Variants in ATRNL1 observed in about 807,000 individuals in gnomAD.
ATRNL1 encodes the protein attractin like 1.
Under a neutral mutation model 182.7 loss-of-function variants are expected in ATRNL1, and 95 were observed. That is an observed-to-expected ratio of 0.52 (90% CI 0.44 to 0.62). The LOEUF is 0.62. ATRNL1 is among the 20% of genes least tolerant of loss of function. The probability of loss-of-function intolerance (pLI) is 0.00; values close to 1 mark genes in which losing one functional copy is unlikely to be tolerated. For missense variants in ATRNL1, 1,471 were observed against 1,679.5 expected (o/e 0.88, Z 2.17); for synonymous variants, 576 against 568.3 (o/e 1.01, Z -0.19).
At chr10:115,508,479 C>A (rs967623351) in intron 24 of ATRNL1, among the ~76,000 whole-genome samples, 1 of 151,958 alleles carries the variant, frequency 6.6e-6, no homozygotes, top group Non-Finnish European at 1.5e-5. Context: ...GAAATCTAGG[C>A]CTCTTGTCCG....
intron 24 of ATRNL1, among the ~76,000 whole-genome samples, chr10:115,490,813 G>GT (rs1849264012): frequency 6.6e-6 from 1 of 152,044 alleles, no homozygotes; most frequent in Non-Finnish European, 1.5e-5. Flanking sequence ...GAGGTGTTCT[G>GT]TTTTTTGGAA....
At chr10:115,592,017 G>C (rs781967514) in intron 26 of ATRNL1, among the ~76,000 whole-genome samples, 3 of 152,178 alleles carry the variant, frequency 2.0e-5, no homozygotes, top group Non-Finnish European at 2.9e-5. Context: ...CATGCCCTGT[G>C]CAGCAGCATG....
At chr10:115,668,762 T>C (rs1158256683) in intron 26 of ATRNL1, among the ~76,000 whole-genome samples, 1 of 152,278 alleles carries the variant, frequency 6.6e-6, no homozygotes, top group Admixed American at 6.5e-5. Context: ...TTATATCATT[T>C]ATGTTCAATA....
chr10:115,182,668 A>G (rs1326867000), intron 8 of ATRNL1, among the ~76,000 whole-genome samples: 1 of 151,604 alleles, frequency 6.6e-6, no homozygotes, highest in South Asian at 2.1e-4. Flanking sequence ...GAAAGATTTC[A>G]TAGGTGAATG....
chr10:115,134,617 C>T (rs944097079), intron 5 of ATRNL1, among the ~76,000 whole-genome samples: 24 of 152,198 alleles, frequency 1.6e-4, no homozygotes, highest in African/African-American at 5.8e-4. Flanking sequence ...CAAGGAGGAG[C>T]TGGTACCATT....
At chr10:115,630,384 A>G (rs1200858712) in intron 26 of ATRNL1, among the ~76,000 whole-genome samples, 1 of 152,042 alleles carries the variant, frequency 6.6e-6, no homozygotes, top group Non-Finnish European at 1.5e-5. Flanking sequence ...TGATGTGAAG[A>G]AAAGGGAAAC....
rs551131513 is a variant in ATRNL1 at position 115,583,760 on chromosome 10, T to A, written c.3795+34224T>A. 2.8e-4 allele frequency among the ~76,000 whole-genome samples: 43 copies of A among 150,926 alleles called. No homozygotes were observed. In the Middle Eastern group the frequency reaches 0.01, roughly 36 times the overall value. On this transcript the variant is annotated intron_variant, in intron 26 of 28. Transcript: ENST00000355044. Reference sequence around the variant, plus strand: ...CCTTTATTTCCTTCTCCTGTCTAATTGCCCTGGCCAGAACTTCCAACACTA... The same window carrying A: ...CCTTTATTTCCTTCTCCTGTCTAATAGCCCTGGCCAGAACTTCCAACACTA...
rs145517824 is a variant in ATRNL1 at position 115,253,647 on chromosome 10, G to A, written c.1688-11546G>A. Among the ~76,000 whole-genome samples, 545 of 152,140 alleles carry A rather than the reference G, an allele frequency of 3.6e-3. 4 individuals carry two copies. Among genetic ancestry groups the A allele is most frequent in the African/African-American group, 0.013 (523 of 41,476 alleles). On this transcript the variant is annotated intron_variant, in intron 10 of 28. Coordinates refer to ENST00000355044, the MANE Select transcript of ATRNL1 (RefSeq NM_207303.4). ...AAGTTCTAGGGTACATGCGCATAAT[G>A]TGCAGGTTTGATACATAGGTATACA...
intron 17 of ATRNL1, 135 bp downstream of exon 17, chr10:115,302,178 A>G: frequency 1.3e-6 from 1 of 791,950 alleles, no homozygotes; most frequent in Non-Finnish European, 2.0e-6. Flanking sequence ...TTTTGAAACC[A>G]ACTGGTACTG....
intron 24 of ATRNL1, among the ~76,000 whole-genome samples, chr10:115,518,807 TATTAAC>T (rs1253703551): frequency 2.0e-5 from 3 of 151,930 alleles, no homozygotes; most frequent in Non-Finnish European, 4.4e-5. Context: ...ATTAACTTCT[TATTAAC>T]ATTAACAAGT....
chr10:115,749,410 TTG>T (rs1948383861), intron 27 of ATRNL1, among the ~76,000 whole-genome samples: 1 of 151,772 alleles, frequency 6.6e-6, no homozygotes, highest in Non-Finnish European at 1.5e-5. Flanking sequence ...GTGTAGAGCC[TTG>T]TGCTGATATA....
chr10:115,383,855 A>C (rs1554951880), intron 19 of ATRNL1, among the ~76,000 whole-genome samples: 1 of 151,996 alleles, frequency 6.6e-6, no homozygotes. Flanking sequence ...ACCTTTTCCA[A>C]ATACAGACTC....
intron 28 of ATRNL1, among the ~76,000 whole-genome samples, chr10:115,931,816 A>C (rs901761140): frequency 6.6e-6 from 1 of 152,190 alleles, no homozygotes; most frequent in Non-Finnish European, 1.5e-5. Flanking sequence ...GTGGTTAACA[A>C]GGGGCCCCTT....
intron 26 of ATRNL1, among the ~76,000 whole-genome samples, chr10:115,636,271 G>C (rs1565234629): frequency 6.6e-6 from 1 of 151,484 alleles, no homozygotes; most frequent in African/African-American, 2.4e-5. Context: ...CCCTCACTTA[G>C]AGACGTAGAG....
chr10:115,655,860 G>C (rs893832419), intron 26 of ATRNL1, among the ~76,000 whole-genome samples: 1 of 152,036 alleles, frequency 6.6e-6, no homozygotes, highest in African/African-American at 2.4e-5. Context: ...TAAGATCTTT[G>C]CCCTGTAATT....
At chr10:115,868,576 A>G (rs1951493545) in intron 28 of ATRNL1, among the ~76,000 whole-genome samples, 1 of 151,994 alleles carries the variant, frequency 6.6e-6, no homozygotes, top group Non-Finnish European at 1.5e-5. Context: ...ATGAATGCAT[A>G]CTCTCTGCCT....
At chr10:115,829,738 C>T (rs1194017123) in intron 27 of ATRNL1, among the ~76,000 whole-genome samples, 1 of 151,906 alleles carries the variant, frequency 6.6e-6, no homozygotes, top group East Asian at 1.9e-4. Flanking sequence ...TTGGAGACTC[C>T]CCAAGAGCTA....
intron 9 of ATRNL1, among the ~76,000 whole-genome samples, chr10:115,231,460 T>C (rs2144521967): frequency 6.6e-6 from 1 of 152,238 alleles, no homozygotes; most frequent in South Asian, 2.1e-4. Context: ...ACAACTTTTT[T>C]GAGGAGTTAT....
chr10:115,934,908 A>G (rs1236329535), intron 28 of ATRNL1, among the ~76,000 whole-genome samples: 2 of 152,038 alleles, frequency 1.3e-5, no homozygotes, highest in Non-Finnish European at 2.9e-5. Flanking sequence ...TATGTCCTGA[A>G]GTTTCTCAAA....
Sources: gnomAD v4.1 joint callset for allele counts (sites outside exome capture counted in the v4.1 genomes callset) on GRCh38, gnomAD v4.1.1 for gene constraint, MANE v1.5 for transcripts, NCBI Gene and HGNC (gene_info 2026-07-23, HGNC 2026-07-21) for gene names.